COBL: variants seen among roughly 807,000 people sequenced by gnomAD.
COBL encodes protein cordon-bleu.
A neutral mutation model predicts 98.8 loss-of-function variants in COBL; 51 were observed. The ratio of observed to expected loss-of-function variants is 0.52; its 90% CI spans 0.41 to 0.65. The LOEUF is 0.65. Among genes scored for constraint, COBL ranks in the 30% least tolerant of loss-of-function variants. The pLI is 0.00. For missense variants in COBL, 1,617 were observed against 1,617.5 expected, an observed-to-expected ratio of 1.00 and a Z score of 0.01; for synonymous variants, 634 against 651.7, an observed-to-expected ratio of 0.97 and a Z score of 0.41.
intron 5 of COBL, among the ~76,000 whole-genome samples, chr7:51,137,137 C>T (rs1435788053): frequency 1.3e-5 from 2 of 152,200 alleles, no homozygotes; most frequent in Non-Finnish European, 2.9e-5. Context: ...CCTGGTGCCT[C>T]TTCTCTCCTA....
intron 5 of COBL, among the ~76,000 whole-genome samples, chr7:51,159,394 A>C (rs947349698): frequency 6.6e-6 from 1 of 152,154 alleles, no homozygotes; most frequent in African/African-American, 2.4e-5. Context: ...TTCTGGCCCG[A>C]GGCACTGTGA....
chr7:51,130,001 C>T (rs533526923), intron 6 of COBL, among the ~76,000 whole-genome samples: 13 of 152,114 alleles, frequency 8.5e-5, no homozygotes, highest in Non-Finnish European at 1.8e-4. Flanking sequence ...AGTGCTTGAG[C>T]CCGGGAGTGC....
At chr7:51,049,383 A>G (rs1171930490) in intron 7 of COBL, among the ~76,000 whole-genome samples, 1 of 152,158 alleles carries the variant, frequency 6.6e-6, no homozygotes, top group Non-Finnish European at 1.5e-5. Flanking sequence ...CATTGGGGAA[A>G]AAGACTTGGA....
At chr7:51,104,918 C>T (rs557698609) in intron 6 of COBL, among the ~76,000 whole-genome samples, 9 of 152,044 alleles carry the variant, frequency 5.9e-5, no homozygotes, top group Admixed American at 1.3e-4. Flanking sequence ...CAAGTTCATG[C>T]GTCTAGAAAG....
Position 51,025,216 on chromosome 7 carries a change from T to A in COBL, c.3661A>T (p.Arg1221Trp). ...CCCGTGCTGAACCTGGAGGCCGTCC[T>A]TGGTGCAGAGAGAGCCTGGGAGGGT... The part of the protein sequence containing the change: ...PPPSQALSAP[R>W]TASRFSTGTL... Residue 1221 changes from arginine (R) to tryptophan (W), a missense_variant, in exon 12 of 13, where the codon AGG (arginine) becomes TGG (tryptophan). By Grantham distance (101) the Arg-to-Trp change is moderately radical (BLOSUM62 -3). This residue lies in a region of COBL where 1,304 missense variants were observed against 1,282.0 expected (regional missense o/e 1.02). Coordinates refer to ENST00000265136, the MANE Select transcript of COBL (RefSeq NM_015198.5). 1 of 1,599,426 alleles carries A rather than the reference T, an allele frequency of 6.3e-7. No individual in the cohort carries two copies. The highest frequency in any genetic ancestry group is 1.1e-5 in the South Asian group (1 of 90,534).
At chr7:51,295,385 T>A (rs1021890392) in intron 1 of COBL, among the ~76,000 whole-genome samples, 21 of 151,612 alleles carry the variant, frequency 1.4e-4, no homozygotes, top group South Asian at 8.3e-4. Context: ...TGCACATGTA[T>A]CCCAGAAATT....
intron 6 of COBL, among the ~76,000 whole-genome samples, chr7:51,130,580 T>G (rs1798647169): frequency 6.6e-6 from 1 of 152,208 alleles, no homozygotes; most frequent in Non-Finnish European, 1.5e-5. Flanking sequence ...AGAGGACACT[T>G]GAGTCTGGCA....
intron 1 of COBL, among the ~76,000 whole-genome samples, chr7:51,235,268 T>G (rs1163546153): frequency 6.6e-6 from 1 of 152,154 alleles, no homozygotes; most frequent in Non-Finnish European, 1.5e-5. Context: ...CCCCCAGGTT[T>G]GGAGGACGGG....
At chr7:51,095,128 C>T (rs1325188445) in intron 6 of COBL, among the ~76,000 whole-genome samples, 2 of 152,144 alleles carry the variant, frequency 1.3e-5, no homozygotes, top group Non-Finnish European at 2.9e-5. Context: ...ACTTACAGTT[C>T]CACATGGGTG....
At position 51,159,754 on chromosome 7, in the gene COBL, G is replaced by A. The variant is rs1447317375; in HGVS notation, c.784-23423C>T. On this transcript the variant is annotated intron_variant, in intron 5 of 12. Coordinates refer to ENST00000265136, the MANE Select transcript of COBL (RefSeq NM_015198.5). The stretch of plus-strand genomic sequence containing the variant: ...TAGGCCCTGTTTATCAACTCTTCAG[G>A]ATCTATGTGTATACTACTCCCATTG... Among the ~76,000 whole-genome samples the A allele has an allele frequency of 2.0e-5, 3 of 151,658 alleles. No homozygotes were observed. In the East Asian group the frequency reaches 5.8e-4, roughly 29 times the overall value.
At chr7:51,313,402 A>T (rs1360223355) in intron 1 of COBL, among the ~76,000 whole-genome samples, 1 of 152,234 alleles carries the variant, frequency 6.6e-6, no homozygotes, top group Non-Finnish European at 1.5e-5. Context: ...TTAATTTTTT[A>T]AAATTTCTTT....
intron 5 of COBL, among the ~76,000 whole-genome samples, chr7:51,172,772 T>A (rs762744456): frequency 1.6e-4 from 24 of 152,276 alleles, no homozygotes; most frequent in Admixed American, 3.3e-4. Flanking sequence ...TTTCTTTCTT[T>A]TTTTCTTTCT....
chr7:51,185,681 C>A (rs554349373), intron 4 of COBL, among the ~76,000 whole-genome samples: 1 of 152,338 alleles, frequency 6.6e-6, no homozygotes, highest in African/African-American at 2.4e-5. Context: ...GAGCTCTATA[C>A]CATTGGTGGC....
At chr7:51,307,838 A>G (rs1802634972) in intron 1 of COBL, among the ~76,000 whole-genome samples, 1 of 152,250 alleles carries the variant, frequency 6.6e-6, no homozygotes, top group Non-Finnish European at 1.5e-5. Context: ...CATGAAAAAC[A>G]TTCAGACTTC....
chr7:51,025,961 A>T (rs2285840), intron 11 of COBL, among the ~76,000 whole-genome samples: 3,101 of 152,162 alleles, frequency 0.02, 110 homozygotes, highest in African/African-American at 0.07. Context: ...TGACCTCATG[A>T]CTTTTCTTGG....
At chr7:51,280,369 A>G (rs1417999295) in intron 1 of COBL, among the ~76,000 whole-genome samples, 33 of 152,190 alleles carry the variant, frequency 2.2e-4, no homozygotes, top group Admixed American at 2.2e-3. Context: ...GTCCACAAGC[A>G]GTCCTGAGGT....
At chr7:51,151,475 T>C (rs1306072830) in intron 5 of COBL, among the ~76,000 whole-genome samples, 1 of 152,140 alleles carries the variant, frequency 6.6e-6, no homozygotes, top group Admixed American at 6.5e-5. Flanking sequence ...CCCCATAAGA[T>C]ATTAACAAGT....
At chr7:51,066,552 C>T (rs925214067) in intron 7 of COBL, among the ~76,000 whole-genome samples, 1 of 152,154 alleles carries the variant, frequency 6.6e-6, no homozygotes, top group Non-Finnish European at 1.5e-5. Context: ...TTATCATCTA[C>T]GTGCTGTTTT....
At position 51,129,444 on chromosome 7, in the gene COBL, T is replaced by C. The variant is rs533639832; in HGVS notation, c.957+6714A>G. On this transcript the variant is annotated intron_variant, in intron 6 of 12. Coordinates refer to ENST00000265136, the MANE Select transcript of COBL (RefSeq NM_015198.5). Reference sequence around the variant, plus strand: ...GGAGTTAGGATTCTGACATCTGAGTTTTGGAGGACGCCAACATTTAGAGCA... The same window carrying C: ...GGAGTTAGGATTCTGACATCTGAGTCTTGGAGGACGCCAACATTTAGAGCA... Among the ~76,000 whole-genome samples the C allele has an allele frequency of 9.0e-4, 137 of 152,110 alleles. 4 individuals carry two copies. The South Asian group carries it at 0.026, about 29-fold the overall frequency.
Sources: allele counts gnomAD v4.1 joint callset (sites outside exome capture counted in the v4.1 genomes callset), GRCh38; gene constraint gnomAD v4.1.1; regional missense constraint gnomAD v4.1.1; transcripts MANE v1.5; gene names NCBI Gene and HGNC (gene_info 2026-07-23, HGNC 2026-07-21).